Variants in PSG5 observed in about 807,000 individuals in gnomAD.
PSG5 encodes pregnancy-specific beta-1-glycoprotein 5.
Under a neutral mutation model 37.7 loss-of-function variants are expected in PSG5, and 53 were observed. The observed-to-expected ratio is 1.41, with a 90% CI of 1.13 to 1.77. The LOEUF is 1.77. PSG5 is among the 40% of genes most tolerant of loss of function. PSG5 has a pLI of 0.00. For missense variants in PSG5, 547 were observed against 405.2 expected, an observed-to-expected ratio of 1.35 and a Z score of -3.00; for synonymous variants, 221 against 155.4, an observed-to-expected ratio of 1.42 and a Z score of -3.14.
chr19:43,178,434 G>A (rs546894978), intron 2 of PSG5, among the ~76,000 whole-genome samples: 16 of 151,872 alleles, frequency 1.1e-4, no homozygotes, highest in African/African-American at 3.4e-4. Flanking sequence ...TCCCCTGTAT[G>A]GTAATAGGTG....
chr19:43,183,625 G>A (rs1969179393), intron 2 of PSG5, among the ~76,000 whole-genome samples: 1 of 151,412 alleles, frequency 6.6e-6, no homozygotes, highest in Non-Finnish European at 1.5e-5. Flanking sequence ...TGACGGTTGA[G>A]GCAGTTGATT....
In PSG5 at chr19:43,170,291, T is replaced by C. The variant is rs562022034; in HGVS notation, c.965-153A>G. 1.0e-4 allele frequency: 87 copies of C among 829,018 alleles called. 1 individual carries two copies. In the African/African-American group the frequency reaches 1.4e-3, roughly 14 times the overall value. The allele number at this position is 829,018 out of a possible 1,614,324, so 51.4% of individuals were successfully genotyped here. On this transcript the variant is annotated intron_variant, in intron 4 of 5. Transcript: ENST00000342951. ...GGAAATTGATGGGAGATGATTATATTCTTGCAGTTTTTTTTTTCCCTCTCA... is the reference window on the plus strand; with the variant it reads ...GGAAATTGATGGGAGATGATTATATCCTTGCAGTTTTTTTTTTCCCTCTCA...
intron 1 of PSG5, 134 bp from the exon 2 acceptor site, chr19:43,185,281 C>T: frequency 2.4e-6 from 3 of 1,227,634 alleles, no homozygotes; most frequent in East Asian, 4.7e-5. Context: ...CACACACACA[C>T]AAAAGGTGCA....
intron 2 of PSG5, among the ~76,000 whole-genome samples, chr19:43,184,242 A>T (rs1010786819): frequency 2.0e-5 from 3 of 151,726 alleles, no homozygotes; most frequent in Non-Finnish European, 4.4e-5. Flanking sequence ...CTGAGGGCTG[A>T]GCCCTGGCTG....
intron 1 of PSG5, among the ~76,000 whole-genome samples, chr19:43,185,777 AGTGTTTCATGTCCT>A (rs2122249096): frequency 6.6e-6 from 1 of 151,208 alleles, no homozygotes; most frequent in African/African-American, 2.4e-5. Flanking sequence ...TGCTGAGGAC[AGTGTTTCATGTCCT>A]GCTTATACTT....
rs1007879995 is a variant in PSG5, at chr19:43,186,536, C to G, written c.-131G>C. The G allele has an allele frequency of 1.0e-5, 15 of 1,435,254 alleles. No homozygotes were observed. In the African/African-American group the frequency reaches 1.9e-4, roughly 18 times the overall value. The allele number at this position is 1,435,254 out of a possible 1,614,324, so 88.9% of individuals were successfully genotyped here. ...CTCTCTCCAGGGCAGGAGCACTTCT[C>G]AGGCTCATGGGTGGGGTCAGGCCCA... On this transcript the variant is annotated 5_prime_UTR_variant, in exon 1 of 6. Transcript: ENST00000342951.
At position 43,185,261 on chromosome 19, in the gene PSG5, C is replaced by G. The variant is rs1464677585; in HGVS notation, c.65-114G>C. On this transcript the variant is annotated intron_variant, in intron 1 of 5. Coordinates refer to ENST00000342951, the MANE Select transcript of PSG5 (RefSeq NM_002781.4). ...ATCCTCAGCCTTGAAGACACACACACACACAAACACACACACACACAAAAG... is the reference window on the plus strand; with the variant it reads ...ATCCTCAGCCTTGAAGACACACACAGACACAAACACACACACACACAAAAG... The G allele has an allele frequency of 8.5e-6, 11 of 1,286,564 alleles. No homozygotes were observed. In the African/African-American group the frequency reaches 1.4e-4, roughly 16 times the overall value. 79.7% of individuals were successfully genotyped at this position (1,286,564 alleles called of 1,614,324 possible).
chr19:43,184,798 G>A lies in PSG5; in HGVS notation c.414C>T (p.Phe138=), dbSNP rs867400653. 6.2e-7 allele frequency: 1 copy of A among 1,612,282 alleles called. No individual in the cohort carries two copies. Among genetic ancestry groups the A allele is most frequent in the Non-Finnish European group, 8.5e-7 (1 of 1,179,018 alleles). The part of the protein sequence containing the change: ...GDRTRGVTGY[F]TFNLYLKLPK... ...ATCACTCACGGTATAAGTTGAAGGT[G>A]AAATATCCAGTTACTCCTCTAGTCC... Residue 138 remains phenylalanine (F), a synonymous_variant, in exon 2 of 6, where the codon TTC becomes TTT. Coordinates refer to ENST00000342951, the MANE Select transcript of PSG5 (RefSeq NM_002781.4).
At chr19:43,181,172 A>G (rs1969120510) in intron 2 of PSG5, among the ~76,000 whole-genome samples, 1 of 151,630 alleles carries the variant, frequency 6.6e-6, no homozygotes, top group South Asian at 2.1e-4. Flanking sequence ...ATTAGATAGC[A>G]CACACCTGGC....
Position 43,172,648 on chromosome 19 carries a change from T to TA in PSG5, c.965-2511dup, listed in dbSNP as rs556855792. The stretch of plus-strand genomic sequence containing the variant: ...CAATTTATATTAACATCAAAAAGAA[T>TA]AAAATATTTAGGAATAAGTTTAACC... On this transcript the variant is annotated intron_variant, in intron 4 of 5. Coordinates refer to ENST00000342951, the MANE Select transcript of PSG5 (RefSeq NM_002781.4). 4.2e-3 allele frequency among the ~76,000 whole-genome samples: 638 copies of TA among 151,724 alleles called. 19 individuals carry two copies. Among genetic ancestry groups the TA allele is most frequent in the African/African-American group, 0.014 (597 of 41,262 alleles).
chr19:43,185,080 T>C lies in PSG5; in HGVS notation c.132A>G (p.Lys44=). 1 of 1,612,154 alleles carries C rather than the reference T, an allele frequency of 6.2e-7. No individual in the cohort carries two copies. The highest frequency in any genetic ancestry group is 1.7e-5 in the Admixed American group (1 of 59,860). ...AQVTIEALPP[K]VSEGKDVLLL... is the part of the protein sequence containing the mutation. ...GAAGAACATCCTTCCCCTCGGAAAC[T>C]TTGGGTGGCAGGGCTTCAATCGTGA... The change falls in exon 2 of 6, where the codon AAA becomes AAG. Residue 44 remains lysine, a synonymous_variant. Coordinates refer to ENST00000342951, the MANE Select transcript of PSG5 (RefSeq NM_002781.4).
chr19:43,181,285 A>T (rs1969122719), intron 2 of PSG5, among the ~76,000 whole-genome samples: 1 of 151,638 alleles, frequency 6.6e-6, no homozygotes. Flanking sequence ...CTATTGCCAA[A>T]ACAAAATATT....
intron 2 of PSG5, among the ~76,000 whole-genome samples, chr19:43,178,193 A>C (rs1969051369): frequency 6.6e-6 from 1 of 151,646 alleles, no homozygotes; most frequent in East Asian, 1.9e-4. Context: ...TTCACTGGAA[A>C]ACATATTGCC....
Position 43,168,011 on chromosome 19 carries a change from A to G in PSG5, c.*233T>C. 1 of 411,812 alleles carries G rather than the reference A, an allele frequency of 2.4e-6. No homozygotes were observed. Among genetic ancestry groups the G allele is most frequent in the East Asian group, 3.6e-5 (1 of 27,824 alleles). 25.5% of individuals were successfully genotyped at this position (411,812 alleles called of 1,614,324 possible). A position where few individuals can be genotyped will look rare whatever the true frequency, so the allele number is the denominator to read the frequency against. The stretch of plus-strand genomic sequence containing the variant: ...CATGGAGTTTTTTTCTTCTTTGTCT[A>G]GAATTTCATGAAGGTATCAGCCTGT... On this transcript the variant is annotated 3_prime_UTR_variant, in exon 6 of 6. Transcript: ENST00000342951.
intron 4 of PSG5, chr19:43,174,011 A>AC (rs1968954014): frequency 6.6e-6 from 1 of 151,778 alleles, no homozygotes; most frequent in Admixed American, 6.6e-5. Flanking sequence ...GTGTATCTAC[A>AC]ATTAAAATGT....
chr19:43,185,018 T>C lies in PSG5; in HGVS notation c.194A>G (p.Tyr65Cys), dbSNP rs758256931. The C allele has an allele frequency of 8.7e-6, 14 of 1,612,536 alleles. No individual in the cohort carries two copies. The East Asian group carries it at 8.9e-5, about 10-fold the overall frequency. Residue 65 changes from tyrosine (Y) to cysteine (C), a missense_variant, in exon 2 of 6, where the codon TAC (tyrosine) becomes TGC (cysteine). By Grantham distance (194) the Tyr-to-Cys change is radical. Transcript: ENST00000342951. ...VHNLPQNLAG[Y>C]IWYKGQLMDL... ...CATCAGTTGTCCTTTGTACCAGATG[T>C]AGCCAGCAAGATTCTGAGGCAAATT... is the stretch of plus-strand genomic sequence containing the variant.
chr19:43,169,706 C>G (rs915253469), intron 5 of PSG5, among the ~76,000 whole-genome samples: 1 of 151,622 alleles, frequency 6.6e-6, no homozygotes, highest in Non-Finnish European at 1.5e-5. Context: ...CACAAGAAGT[C>G]AAGCAATACT....
chr19:43,181,145 G>A (rs1279570679), intron 2 of PSG5, among the ~76,000 whole-genome samples: 1 of 151,652 alleles, frequency 6.6e-6, no homozygotes, highest in Middle Eastern at 3.4e-3. Context: ...GTTTTATGTG[G>A]CACAGGCAGT....
At chr19:43,170,028 C>T (rs1968869778) in intron 5 of PSG5, 27 bp downstream of exon 5, 2 of 1,389,626 alleles carry the variant, frequency 1.4e-6, no homozygotes, top group Non-Finnish European at 2.0e-6. Context: ...CCTGCAGGAA[C>T]CAGGATAAGA....
Sources: gnomAD v4.1 joint callset for allele counts (sites outside exome capture counted in the v4.1 genomes callset) on GRCh38, gnomAD v4.1.1 for gene constraint, MANE v1.5 for transcripts, NCBI Gene and HGNC (gene_info 2026-07-23, HGNC 2026-07-21) for gene names.